UTRN: variants seen among roughly 807,000 people sequenced by gnomAD.
The protein encoded by UTRN is utrophin, also known as dystrophin-related protein 1.
UTRN carries 283 observed loss-of-function variants against 463.9 expected under a neutral mutation model. The ratio of observed to expected loss-of-function variants is 0.61; its 90% CI spans 0.55 to 0.67. UTRN has a LOEUF of 0.67. Among genes scored for constraint, UTRN ranks in the 30% least tolerant of loss-of-function variants. The probability of loss-of-function intolerance (pLI) is 0.00; values close to 1 mark genes in which losing one functional copy is unlikely to be tolerated. For missense variants in UTRN, 3,922 were observed against 4,084.3 expected (o/e 0.96, Z 1.08); for synonymous variants, 1,442 against 1,431.5 (o/e 1.01, Z -0.17).
intron 58 of UTRN, among the ~76,000 whole-genome samples, chr6:144,770,505 G>T (rs907035949): frequency 7.2e-5 from 11 of 152,260 alleles, no homozygotes; most frequent in Admixed American, 2.0e-4. Context: ...TGTCATTTAA[G>T]AAGTCTTTGG....
At chr6:144,798,108 G>C (rs905401016) in intron 64 of UTRN, 118 bp downstream of exon 64, 9 of 1,289,290 alleles carry the variant, frequency 7.0e-6, no homozygotes, top group Non-Finnish European at 9.7e-6. Context: ...TAAATAAATG[G>C]TATGTTCAGT....
At chr6:144,788,416 T>C (rs1776470298) in intron 61 of UTRN, among the ~76,000 whole-genome samples, 1 of 152,180 alleles carries the variant, frequency 6.6e-6, no homozygotes, top group South Asian at 2.1e-4. Flanking sequence ...TCTTAGTATA[T>C]AGTTAATTTT....
chr6:144,728,402 T>A (rs1373568998), intron 53 of UTRN, among the ~76,000 whole-genome samples: 1 of 151,668 alleles, frequency 6.6e-6, no homozygotes, highest in Non-Finnish European at 1.5e-5. Flanking sequence ...TTAAAAATCT[T>A]TTTTTTTCCA....
intron 54 of UTRN, among the ~76,000 whole-genome samples, chr6:144,731,464 G>A (rs945017031): frequency 4.6e-5 from 7 of 152,206 alleles, no homozygotes; most frequent in African/African-American, 1.7e-4. Context: ...GCCTCATGCT[G>A]TGTCCAGCAG....
chr6:144,833,443 T>G (rs1432814597), intron 69 of UTRN, among the ~76,000 whole-genome samples: 1 of 152,230 alleles, frequency 6.6e-6, no homozygotes, highest in Non-Finnish European at 1.5e-5. Flanking sequence ...TACTTTATCT[T>G]TAAAATACAG....
chr6:144,579,465 A>G (rs1801755075), intron 51 of UTRN, among the ~76,000 whole-genome samples: 1 of 152,192 alleles, frequency 6.6e-6, no homozygotes, highest in Admixed American at 6.5e-5. Context: ...GAGGCTTTAA[A>G]TGAACCCTGG....
intron 41 of UTRN, among the ~76,000 whole-genome samples, chr6:144,527,055 C>T (rs1320368259): frequency 1.3e-5 from 2 of 152,136 alleles, no homozygotes; most frequent in African/African-American, 4.8e-5. Flanking sequence ...CTGCCTCAGC[C>T]TCCGAAAGTG....
rs1420955847 is a variant in UTRN at position 144,852,507 on chromosome 6, G to A, written c.*1510G>A. On this transcript the variant is annotated 3_prime_UTR_variant, in exon 75 of 75. Coordinates refer to ENST00000367545, the MANE Select transcript of UTRN (RefSeq NM_007124.3). The stretch of plus-strand genomic sequence containing the variant: ...CTATTATTTTAGAATAGGTTGGGTG[G>A]GTTGGGGGGCAAGGGTGTCTATTTG... 1 of 152,544 alleles carries A rather than the reference G, an allele frequency of 6.6e-6. No homozygotes were observed. Among genetic ancestry groups the A allele is most frequent in the African/African-American group, 2.4e-5 (1 of 41,426 alleles). 9.4% of individuals were successfully genotyped at this position (152,544 alleles called of 1,614,324 possible). A position where few individuals can be genotyped will look rare whatever the true frequency, so the allele number is the denominator to read the frequency against.
chr6:144,290,940 T>TC (rs1001350658), intron 1 of UTRN, among the ~76,000 whole-genome samples: 2 of 151,138 alleles, frequency 1.3e-5, no homozygotes, highest in Non-Finnish European at 3.0e-5. Context: ...AATTTTTTTT[T>TC]TTTTTTTGTA....
At chr6:144,418,934 T>C (rs907617339) in intron 3 of UTRN, among the ~76,000 whole-genome samples, 2 of 152,214 alleles carry the variant, frequency 1.3e-5, no homozygotes, top group Non-Finnish European at 2.9e-5. Flanking sequence ...TTATATTAGC[T>C]GCCCTTGCCA....
chr6:144,386,276 A>C (rs1021273419), intron 2 of UTRN, among the ~76,000 whole-genome samples: 1 of 152,138 alleles, frequency 6.6e-6, no homozygotes, highest in Non-Finnish European at 1.5e-5. Context: ...AGCCAGGGCA[A>C]CATGGCGAAA....
Position 144,324,541 on chromosome 6 carries a change from CA to C in UTRN, c.79+32636del, listed in dbSNP as rs1775859699. On this transcript the variant is annotated intron_variant, in intron 2 of 74. Coordinates refer to ENST00000367545, the MANE Select transcript of UTRN (RefSeq NM_007124.3). ...CTGGGTTTGGCCATAAAGTATTTAG[CA>C]AGACTACCTTTTGGAATTCAAGACT... Among the ~76,000 whole-genome samples the C allele has an allele frequency of 2.0e-5, 3 of 152,282 alleles. No individual in the cohort carries two copies. The East Asian group carries it at 5.8e-4, about 29-fold the overall frequency.
chr6:144,426,248 A>G (rs1198965212), intron 6 of UTRN, 39 bp from the exon 7 acceptor site: 4 of 1,567,444 alleles, frequency 2.6e-6, no homozygotes, highest in Non-Finnish European at 3.5e-6. Context: ...TAAATTACTG[A>G]AGTATTAGTT....
intron 31 of UTRN, 150 bp downstream of exon 31, chr6:144,490,349 A>AG (rs1487650601): frequency 8.9e-7 from 1 of 1,125,494 alleles, no homozygotes; most frequent in Non-Finnish European, 1.2e-6. Flanking sequence ...GTTGCATCCT[A>AG]GGGCAGCAGA....
In UTRN at chr6:144,840,811, A is replaced by C; in HGVS notation, c.10249A>C (p.Ser3417Arg). 6.2e-7 allele frequency: 1 copy of C among 1,614,074 alleles called. No homozygotes were observed. Among genetic ancestry groups the C allele is most frequent in the Non-Finnish European group, 8.5e-7 (1 of 1,179,978 alleles). The change falls in exon 73 of 75, where the codon AGC becomes CGC. Residue 3417 changes from serine (S) to arginine (R), a missense_variant. Coordinates refer to ENST00000367545, the MANE Select transcript of UTRN (RefSeq NM_007124.3). ...DLTEVMEQIH[S>R]TFPSCCPNVP... is the part of the protein sequence containing the mutation. ...CACGGAGGTCATGGAGCAGATTCAC[A>C]GCACGTTTCCATCTTGCTGCCGTGA... is the stretch of plus-strand genomic sequence containing the variant.
At chr6:144,762,995 C>CAAGG (rs1369106606) in intron 58 of UTRN, among the ~76,000 whole-genome samples, 2 of 152,168 alleles carry the variant, frequency 1.3e-5, no homozygotes, top group Non-Finnish European at 2.9e-5. Flanking sequence ...GTTCTTGTGA[C>CAAGG]AAGGTGTCAC....
chr6:144,426,547 C>T (rs1785311576), intron 7 of UTRN, 88 bp downstream of exon 7: 12 of 1,330,136 alleles, frequency 9.0e-6, no homozygotes, highest in South Asian at 3.1e-5. Context: ...CCTGAAGCCC[C>T]TTCTCCAGTG....
chr6:144,530,925 A>G (rs1336168894), intron 41 of UTRN, 127 bp from the exon 42 acceptor site: 1 of 1,065,622 alleles, frequency 9.4e-7, no homozygotes, highest in East Asian at 2.6e-5. Flanking sequence ...GTGGAGCAAT[A>G]GGCTGTGAAT....
At chr6:144,329,727 T>C (rs557096356) in intron 2 of UTRN, among the ~76,000 whole-genome samples, 5 of 152,332 alleles carry the variant, frequency 3.3e-5, no homozygotes, top group African/African-American at 1.2e-4. Flanking sequence ...GCTTTTCCTG[T>C]CCAAGTTCAT....
Sources: gnomAD v4.1 joint callset for allele counts (sites outside exome capture counted in the v4.1 genomes callset) on GRCh38, gnomAD v4.1.1 for gene constraint, MANE v1.5 for transcripts, NCBI Gene and HGNC (gene_info 2026-07-23, HGNC 2026-07-21) for gene names.